The following ING2 variants were observed in gnomAD, a reference collection of about 807,000 sequenced individuals.
The protein encoded by ING2 is inhibitor of growth protein 2.
In ING2, 7 loss-of-function variants were observed where a neutral mutation model predicts 30.6. The ratio of observed to expected loss-of-function variants is 0.23; its 90% CI spans 0.13 to 0.43. ING2 has a LOEUF of 0.43. Ranked by LOEUF, ING2 falls within the 20% of genes least tolerant of loss-of-function variation. The probability of loss-of-function intolerance (pLI) is 1.00; values close to 1 mark genes in which losing one functional copy is unlikely to be tolerated. For synonymous variants in ING2, 136 were observed against 121.7 expected (o/e 1.12, Z -0.78); for missense variants, 239 against 334.9 (o/e 0.71, Z 2.24).
Position 183,505,083 on chromosome 4 carries a change from G to A in ING2, c.-113G>A. ...GAGCGCGGCCGTGCCCTCTCGAGCGGCTGCGGGGTCCCCGCGGCGCCGGGC... is the reference window on the plus strand; with the variant it reads ...GAGCGCGGCCGTGCCCTCTCGAGCGACTGCGGGGTCCCCGCGGCGCCGGGC... On this transcript the variant is annotated 5_prime_UTR_variant, in exon 1 of 2. Transcript: ENST00000302327. 9.4e-7 allele frequency: 1 copy of A among 1,058,996 alleles called. No homozygotes were observed. Among genetic ancestry groups the A allele is most frequent in the Non-Finnish European group, 1.2e-6 (1 of 813,352 alleles). 65.6% of individuals were successfully genotyped at this position (1,058,996 alleles called of 1,614,324 possible). A position where few individuals can be genotyped will look rare whatever the true frequency, so the allele number is the denominator to read the frequency against.
intron 1 of ING2, among the ~76,000 whole-genome samples, 193 bp from the exon 2 acceptor site, chr4:183,510,084 ATTACT>A (rs1734786493): frequency 1.3e-5 from 2 of 152,064 alleles, no homozygotes; most frequent in South Asian, 4.1e-4. Flanking sequence ...CTTTCTTTTC[ATTACT>A]TTATTTCTAA....
At position 183,510,221 on chromosome 4, in the gene ING2, T is replaced by G. The variant is rs1377715176; in HGVS notation, c.173-61T>G. ...TTCAATTCTGTAAAAAATAACTACC[T>G]TGGAAATGTTGTGTCTGCTAACACA... is the stretch of plus-strand genomic sequence containing the variant. On this transcript the variant is annotated intron_variant, in intron 1 of 1. Coordinates refer to ENST00000302327, the MANE Select transcript of ING2 (RefSeq NM_001564.4). The G allele has an allele frequency of 4.2e-6, 5 of 1,198,260 alleles. No individual in the cohort carries two copies. The Admixed American group carries it at 1.2e-4, about 28-fold the overall frequency. 74.2% of individuals were successfully genotyped at this position (1,198,260 alleles called of 1,614,324 possible). A position where few individuals can be genotyped will look rare whatever the true frequency, so the allele number is the denominator to read the frequency against.
chr4:183,508,064 A>T (rs539867877), intron 1 of ING2, among the ~76,000 whole-genome samples: 78 of 152,094 alleles, frequency 5.1e-4, no homozygotes, highest in African/African-American at 1.8e-3. Flanking sequence ...GGTCAGACAT[A>T]CAGATCTGGC....
chr4:183,505,998 C>A (rs1048111245), intron 1 of ING2: 3 of 791,530 alleles, frequency 3.8e-6, no homozygotes, highest in Admixed American at 1.1e-4. Context: ...GGGGAGGGGT[C>A]CCCCGCGGGA....
rs1436625517 is a variant in ING2, at chr4:183,511,140, A to G, written c.*188A>G. On this transcript the variant is annotated 3_prime_UTR_variant, in exon 2 of 2. Coordinates refer to ENST00000302327, the MANE Select transcript of ING2 (RefSeq NM_001564.4). Reference sequence around the variant, plus strand: ...TGCACTGAGTTACCAAATATTTCCAACCAGGTAGTCTTCAGATCACCTGAT... The same window carrying G: ...TGCACTGAGTTACCAAATATTTCCAGCCAGGTAGTCTTCAGATCACCTGAT... 4.0e-6 allele frequency: 2 copies of G among 495,902 alleles called. No homozygotes were observed. The highest frequency in any genetic ancestry group is 3.3e-5 in the East Asian group (1 of 30,520). The allele number at this position is 495,902 out of a possible 1,614,324, so 30.7% of individuals were successfully genotyped here.
At chr4:183,506,136 A>G (rs1166462056) in intron 1 of ING2, 1 of 1,237,662 alleles carries the variant, frequency 8.1e-7, no homozygotes, top group South Asian at 1.3e-5. Flanking sequence ...TGGTCGCGAG[A>G]GGGGCGGTGG....
chr4:183,507,924 A>G (rs1030539517), intron 1 of ING2, among the ~76,000 whole-genome samples: 34 of 152,180 alleles, frequency 2.2e-4, no homozygotes, highest in African/African-American at 7.7e-4. Context: ...TAGGGTTATT[A>G]GAGAACCTTT....
intron 1 of ING2, among the ~76,000 whole-genome samples, chr4:183,508,811 C>T (rs578201241): frequency 3.3e-5 from 5 of 152,228 alleles, no homozygotes; most frequent in South Asian, 2.1e-4. Flanking sequence ...AAAACGGATT[C>T]GAGCAAAACT....
At chr4:183,507,840 A>C (rs531366875) in intron 1 of ING2, among the ~76,000 whole-genome samples, 1 of 152,268 alleles carries the variant, frequency 6.6e-6, no homozygotes, top group South Asian at 2.1e-4. Flanking sequence ...AGACACTTTC[A>C]GAACTGCTGA....
rs1292866766 is a variant in ING2 at position 183,511,528 on chromosome 4, T to C, written c.*576T>C. On this transcript the variant is annotated 3_prime_UTR_variant, in exon 2 of 2. Transcript: ENST00000302327. ...TCTTATGAGAGTACGTGCTGCTGTC[T>C]TTTGCTTAGTAGCATTTTGATCCAC... Among the ~76,000 whole-genome samples the C allele has an allele frequency of 6.6e-6, 1 of 152,248 alleles. No homozygotes were observed. The highest frequency in any genetic ancestry group is 1.5e-5 in the Non-Finnish European group (1 of 68,044).
Position 183,505,222 on chromosome 4 carries a change from G to A in ING2, c.27G>A (p.Leu9=). The A allele has an allele frequency of 6.2e-7, 1 of 1,602,068 alleles. No individual in the cohort carries two copies. The highest frequency in any genetic ancestry group is 8.5e-7 in the Non-Finnish European group (1 of 1,175,504). The change falls in exon 1 of 2, where the codon CTG becomes CTA. Residue 9 remains leucine (L), a synonymous_variant. Coordinates refer to ENST00000302327, the MANE Select transcript of ING2 (RefSeq NM_001564.4). MLGQQQQQ[L]YSSAALLTGE... ...TGTTAGGGCAGCAGCAGCAGCAACT[G>A]TACTCGTCGGCCGCGCTCCTGACCG...
Position 183,505,154 on chromosome 4 carries a change from C to T in ING2, c.-42C>T. The stretch of plus-strand genomic sequence containing the variant: ...GCGGCCGCGGCCGGTGCATGTGCGG[C>T]TGCTGGATGCGGAGGCGGCGGCGAC... On this transcript the variant is annotated 5_prime_UTR_variant, in exon 1 of 2. Transcript: ENST00000302327. 6.4e-7 allele frequency: 1 copy of T among 1,567,670 alleles called. No homozygotes were observed. Among genetic ancestry groups the T allele is most frequent in the South Asian group, 1.2e-5 (1 of 86,742 alleles).
At chr4:183,510,047 T>G (rs1734785695) in intron 1 of ING2, among the ~76,000 whole-genome samples, 2 of 152,270 alleles carry the variant, frequency 1.3e-5, no homozygotes, top group South Asian at 4.1e-4. Flanking sequence ...CTTTTTAATA[T>G]AGATTAATGA....
Position 183,511,002 on chromosome 4 carries a change from T to G in ING2, c.*50T>G. 7.0e-7 allele frequency: 1 copy of G among 1,431,890 alleles called. No homozygotes were observed. Among genetic ancestry groups the G allele is most frequent in the Non-Finnish European group, 9.4e-7 (1 of 1,069,294 alleles). 88.7% of individuals were successfully genotyped at this position (1,431,890 alleles called of 1,614,324 possible). ...GTTATTTGTCTTTTATATAATTCGT[T>G]TGCTTTCAGAAAATGTTTTAGGGTA... On this transcript the variant is annotated 3_prime_UTR_variant, in exon 2 of 2. Transcript: ENST00000302327.
intron 1 of ING2, among the ~76,000 whole-genome samples, chr4:183,509,146 G>A (rs893945898): frequency 2.6e-5 from 4 of 152,230 alleles, no homozygotes; most frequent in Non-Finnish European, 5.9e-5. Context: ...GAAGCTAAGA[G>A]TTGCTTATGC....
chr4:183,511,176 G>A lies in ING2; in HGVS notation c.*224G>A. ...TTCAGATCACCTGATGAAAGGAGCA[G>A]GGAACAGGAAGAGGGTGGTGTAAAC... On this transcript the variant is annotated 3_prime_UTR_variant, in exon 2 of 2. Coordinates refer to ENST00000302327, the MANE Select transcript of ING2 (RefSeq NM_001564.4). The A allele has an allele frequency of 2.5e-6, 1 of 403,310 alleles. No individual in the cohort carries two copies. The highest frequency in any genetic ancestry group is 5.6e-5 in the South Asian group (1 of 18,012). The allele number at this position is 403,310 out of a possible 1,614,324, so 25.0% of individuals were successfully genotyped here.
intron 1 of ING2, chr4:183,506,174 G>C: frequency 7.7e-7 from 1 of 1,291,196 alleles, no homozygotes; most frequent in Admixed American, 2.3e-5. Flanking sequence ...AGGGAGTCGG[G>C]GCTGTGCGGG....
rs573140452 is a variant in ING2 at position 183,506,044 on chromosome 4, C to T, written c.172+677C>T. The stretch of plus-strand genomic sequence containing the variant: ...GGGGCGTGTGTGGCGGGGAGGGCCC[C>T]CGCGCCGGGGGCGGGGCCTGCGGGC... On this transcript the variant is annotated intron_variant, in intron 1 of 1. Coordinates refer to ENST00000302327, the MANE Select transcript of ING2 (RefSeq NM_001564.4). 37 of 1,104,870 alleles carry T rather than the reference C, an allele frequency of 3.3e-5. No individual in the cohort carries two copies. In the East Asian group the frequency reaches 2.5e-3, roughly 75 times the overall value. 68.4% of individuals were successfully genotyped at this position (1,104,870 alleles called of 1,614,324 possible).
intron 1 of ING2, among the ~76,000 whole-genome samples, chr4:183,509,704 G>A (rs1734770321): frequency 2.0e-5 from 3 of 148,742 alleles, no homozygotes; most frequent in African/African-American, 7.5e-5. Flanking sequence ...CAAAGTGCTG[G>A]GATTACAAGC....
Sources: allele counts gnomAD v4.1 joint callset (sites outside exome capture counted in the v4.1 genomes callset), GRCh38; gene constraint gnomAD v4.1.1; transcripts MANE v1.5; gene names NCBI Gene and HGNC (gene_info 2026-07-23, HGNC 2026-07-21).